CAMTA1: variants seen among roughly 807,000 people sequenced by gnomAD.
The protein encoded by CAMTA1 is calmodulin-binding transcription activator 1.
A neutral mutation model predicts 170.9 loss-of-function variants in CAMTA1; 27 were observed. That is an observed-to-expected ratio of 0.16 (90% confidence interval 0.12 to 0.22). CAMTA1 has a LOEUF of 0.22. CAMTA1 is among the 10% of genes least tolerant of loss of function. CAMTA1 has a pLI of 1.00. For synonymous variants in CAMTA1, 833 were observed against 891.5 expected (o/e 0.93, Z 1.17); for missense variants, 1,619 against 2,217.2 (o/e 0.73, Z 5.42).
In CAMTA1 at chr1:7,092,431, G is replaced by A. The variant is rs1404173300; in HGVS notation, c.302+1060G>A. Among the ~76,000 whole-genome samples, 1 of 152,158 alleles carries A rather than the reference G, an allele frequency of 6.6e-6. No individual in the cohort carries two copies. The highest frequency in any genetic ancestry group is 1.9e-4 in the East Asian group (1 of 5,194). ...ACATTATTAGGCTGAGATATTTACT[G>A]GTTAGCATCTTTTAGGTGAGGGCAC... On this transcript the variant is annotated intron_variant, in intron 4 of 22. Coordinates refer to ENST00000303635, the MANE Select transcript of CAMTA1 (RefSeq NM_015215.4). The surrounding 1 kb of genome is among the most constrained non-coding windows in gnomAD (Gnocchi z 5.0).
chr1:7,715,911 C>T (rs1026959408), intron 11 of CAMTA1, among the ~76,000 whole-genome samples: 2 of 152,142 alleles, frequency 1.3e-5, no homozygotes, highest in African/African-American at 4.8e-5. Context: ...TTTCTGAAAC[C>T]CTGTACTTCC....
At chr1:7,523,848 A>C (rs1465671833) in intron 6 of CAMTA1, among the ~76,000 whole-genome samples, 1 of 150,076 alleles carries the variant, frequency 6.7e-6, no homozygotes, top group Non-Finnish European at 1.5e-5. Flanking sequence ...GCACCACTGC[A>C]CTCCAGCCTG....
chr1:6,915,012 C>T (rs780974793), intron 3 of CAMTA1, among the ~76,000 whole-genome samples: 1 of 152,218 alleles, frequency 6.6e-6, no homozygotes, highest in Non-Finnish European at 1.5e-5. Flanking sequence ...GGAGGCTCGG[C>T]CCTGCTCTGG....
At chr1:7,222,144 G>A (rs1459740543) in intron 4 of CAMTA1, among the ~76,000 whole-genome samples, 2 of 152,278 alleles carry the variant, frequency 1.3e-5, no homozygotes, top group East Asian at 1.9e-4. Flanking sequence ...GACCAAGCAC[G>A]ATTTCCAGCT....
chr1:7,558,726 G>A (rs2094915995), intron 6 of CAMTA1, among the ~76,000 whole-genome samples: 1 of 152,208 alleles, frequency 6.6e-6, no homozygotes, highest in South Asian at 2.1e-4. Flanking sequence ...GCCACCCCCT[G>A]TGTCTGCAGC....
chr1:7,295,944 TTACAAG>T (rs1673867839), intron 5 of CAMTA1, among the ~76,000 whole-genome samples: 1 of 152,256 alleles, frequency 6.6e-6, no homozygotes, highest in Non-Finnish European at 1.5e-5. Flanking sequence ...TCAGGGCTCC[TTACAAG>T]GCTACCGAAA....
At chr1:6,822,356 T>C (rs1275619323) in intron 2 of CAMTA1, among the ~76,000 whole-genome samples, 2 of 152,222 alleles carry the variant, frequency 1.3e-5, no homozygotes, top group Non-Finnish European at 2.9e-5. Context: ...AAAGTTTCTC[T>C]GTATCCCACT....
At chr1:7,702,440 G>C (rs538235937) in intron 11 of CAMTA1, among the ~76,000 whole-genome samples, 1 of 152,300 alleles carries the variant, frequency 6.6e-6, no homozygotes, top group South Asian at 2.1e-4. Context: ...TGCCTGAACT[G>C]GATCCAAATC....
intron 3 of CAMTA1, among the ~76,000 whole-genome samples, chr1:7,058,281 C>T (rs1296797556): frequency 1.3e-5 from 2 of 152,220 alleles, no homozygotes; most frequent in East Asian, 3.8e-4. Flanking sequence ...ATTTGTTTTA[C>T]ACTCAGGATG....
intron 6 of CAMTA1, among the ~76,000 whole-genome samples, chr1:7,493,318 CAAACCT>C (rs2093763388): frequency 6.6e-6 from 1 of 150,784 alleles, no homozygotes; most frequent in Non-Finnish European, 1.5e-5. Context: ...CGCACACAAA[CAAACCT>C]ACGTACACAC....
intron 5 of CAMTA1, among the ~76,000 whole-genome samples, chr1:7,303,527 G>A (rs1675113300): frequency 6.6e-6 from 1 of 152,162 alleles, no homozygotes; most frequent in East Asian, 1.9e-4. Flanking sequence ...CAGCGTAGGT[G>A]TTATTTTCTT....
chr1:7,705,650 C>T (rs1014512902), intron 11 of CAMTA1, among the ~76,000 whole-genome samples: 1 of 152,072 alleles, frequency 6.6e-6, no homozygotes, highest in Non-Finnish European at 1.5e-5. Context: ...CGGCGGGGCC[C>T]GCGGAGCTCC....
chr1:6,836,155 C>A lies in CAMTA1; in HGVS notation c.234+10945C>A, dbSNP rs1021665785. Among the ~76,000 whole-genome samples, 3 of 152,210 alleles carry A rather than the reference C, an allele frequency of 2.0e-5. No individual in the cohort carries two copies. In the East Asian group the frequency reaches 5.8e-4, roughly 29 times the overall value. ...GGTTTCTGATGATAAATTCTGTTAT[C>A]TTGGTAATTATGAAGTTATTTTGAA... On this transcript the variant is annotated intron_variant, in intron 3 of 22. Transcript: ENST00000303635.
intron 6 of CAMTA1, among the ~76,000 whole-genome samples, chr1:7,578,064 C>T (rs1330596729): frequency 6.6e-6 from 1 of 152,176 alleles, no homozygotes; most frequent in Non-Finnish European, 1.5e-5. Flanking sequence ...ATTGTGAGTC[C>T]CCATGATGGG....
chr1:6,826,986 G>A (rs746897928), intron 3 of CAMTA1, among the ~76,000 whole-genome samples: 2 of 152,100 alleles, frequency 1.3e-5, no homozygotes, highest in African/African-American at 2.4e-5. Context: ...TATTAGATAC[G>A]TTTTAAAGCA....
chr1:7,369,424 G>A (rs1240013733), intron 5 of CAMTA1, among the ~76,000 whole-genome samples: 3 of 152,196 alleles, frequency 2.0e-5, no homozygotes, highest in Non-Finnish European at 4.4e-5. Flanking sequence ...GGACCACTCT[G>A]TGGTTCCATA....
At chr1:7,519,256 C>T (rs186223946) in intron 6 of CAMTA1, among the ~76,000 whole-genome samples, 13 of 152,136 alleles carry the variant, frequency 8.5e-5, no homozygotes, top group South Asian at 4.1e-4. Flanking sequence ...TCACCTGTCT[C>T]CTTGAGGCTT....
Position 7,065,861 on chromosome 1 carries a change from A to G in CAMTA1, c.235-25443A>G, listed in dbSNP as rs1399232491. ...TGTTTATCTATTCCCTTACATTGTG[A>G]AAGAGTAAAGCAGTCTTAAGACTGG... is the stretch of plus-strand genomic sequence containing the variant. On this transcript the variant is annotated intron_variant, in intron 3 of 22. Coordinates refer to ENST00000303635, the MANE Select transcript of CAMTA1 (RefSeq NM_015215.4). The surrounding 1 kb of genome is among the most constrained non-coding windows in gnomAD (Gnocchi z 5.2). Among the ~76,000 whole-genome samples, 1 of 152,178 alleles carries G rather than the reference A, an allele frequency of 6.6e-6. No individual in the cohort carries two copies. The highest frequency in any genetic ancestry group is 1.5e-5 in the Non-Finnish European group (1 of 68,014).
intron 3 of CAMTA1, among the ~76,000 whole-genome samples, chr1:6,843,150 T>C (rs1656575961): frequency 6.6e-6 from 1 of 152,212 alleles, no homozygotes; most frequent in African/African-American, 2.4e-5. Flanking sequence ...TTCTTTACAC[T>C]TTTTTCCTTT....
Sources: gnomAD v4.1 joint callset for allele counts (sites outside exome capture counted in the v4.1 genomes callset) on GRCh38, gnomAD v4.1.1 for gene constraint, Gnocchi (gnomAD v3.1) non-coding constraint, MANE v1.5 for transcripts, NCBI Gene and HGNC (gene_info 2026-07-23, HGNC 2026-07-21) for gene names.